P2RY14: variants seen among roughly 807,000 people sequenced by gnomAD.
P2RY14 encodes the protein P2Y purinoceptor 14.
Under a neutral mutation model 0.9 loss-of-function variants are expected in P2RY14, and 2 were observed. The ratio of observed to expected loss-of-function variants is 2.16; its 90% CI spans 0.88 to 6.79. The LOEUF (loss-of-function observed/expected upper bound fraction) is 6.79. Ranked by LOEUF, P2RY14 falls within the 30% of genes most tolerant of loss-of-function variation. P2RY14 has a pLI of 0.05. For synonymous variants in P2RY14, 158 were observed against 147.2 expected (o/e 1.07, Z -0.53); for missense variants, 378 against 400.1 (o/e 0.94, Z 0.47).
intron 1 of P2RY14, among the ~76,000 whole-genome samples, chr3:151,230,368 A>G (rs572883631): frequency 4.6e-5 from 7 of 152,382 alleles, no homozygotes; most frequent in Middle Eastern, 3.4e-3. Context: ...AGTCAAGTAC[A>G]GTGTAAGAAA....
At chr3:151,240,595 C>G (rs984322713) in intron 1 of P2RY14, among the ~76,000 whole-genome samples, 2 of 152,102 alleles carry the variant, frequency 1.3e-5, no homozygotes, top group African/African-American at 4.8e-5. Context: ...ATGGCAGATT[C>G]AAATCTAGTT....
chr3:151,270,195 T>TGGTGTG, intron 1 of P2RY14: 1 of 54,090 alleles, frequency 1.8e-5, no homozygotes, highest in Non-Finnish European at 3.5e-5. Flanking sequence ...GAGCAAGCTG[T>TGGTGTG]CGTGTGTGTG....
intron 1 of P2RY14, among the ~76,000 whole-genome samples, chr3:151,276,849 A>C (rs1458779038): frequency 6.6e-6 from 1 of 152,000 alleles, no homozygotes; most frequent in African/African-American, 2.4e-5. Flanking sequence ...CTGTGTCTTC[A>C]TGCTTTGAGT....
At chr3:151,233,564 T>A (rs1285826014) in intron 1 of P2RY14, among the ~76,000 whole-genome samples, 1 of 152,096 alleles carries the variant, frequency 6.6e-6, no homozygotes, top group African/African-American at 2.4e-5. Context: ...AGAAACCCTG[T>A]CTCTACTAAA....
chr3:151,236,681 T>G (rs1357428222), intron 1 of P2RY14, among the ~76,000 whole-genome samples: 1 of 152,368 alleles, frequency 6.6e-6, no homozygotes, highest in East Asian at 1.9e-4. Flanking sequence ...TAAAAGTGTG[T>G]GTGAATGAAG....
intron 1 of P2RY14, among the ~76,000 whole-genome samples, chr3:151,262,648 G>A (rs1243919665): frequency 6.6e-6 from 1 of 152,212 alleles, no homozygotes; most frequent in Non-Finnish European, 1.5e-5. Context: ...ATACAGAAAA[G>A]TAGAAAGCAG....
At chr3:151,259,132 G>A (rs146024839) in intron 1 of P2RY14, among the ~76,000 whole-genome samples, 296 of 152,230 alleles carry the variant, frequency 1.9e-3, no homozygotes, top group Middle Eastern at 0.014. Flanking sequence ...GGACTGAAAG[G>A]TTCACCTAAG....
intron 1 of P2RY14, among the ~76,000 whole-genome samples, chr3:151,245,188 G>T (rs1170850712): frequency 6.6e-6 from 1 of 152,188 alleles, no homozygotes; most frequent in African/African-American, 2.4e-5. Context: ...TCTACCAGAG[G>T]TATAAGGAGG....
chr3:151,219,424 T>A (rs959474166), intron 2 of P2RY14, 111 bp downstream of exon 2: 1 of 152,216 alleles, frequency 6.6e-6, no homozygotes, highest in African/African-American at 2.4e-5. Context: ...ACCTTCCACC[T>A]TCCTAATTGT....
intron 1 of P2RY14, among the ~76,000 whole-genome samples, chr3:151,246,842 A>G (rs1735640038): frequency 6.6e-6 from 1 of 152,216 alleles, no homozygotes; most frequent in South Asian, 2.1e-4. Context: ...CAGCCTACAA[A>G]ATGGGAGAAA....
At position 151,273,796 on chromosome 3, in the gene P2RY14, A is replaced by G. The variant is rs1001929752; in HGVS notation, c.-133+4491T>C. Among the ~76,000 whole-genome samples the G allele has an allele frequency of 1.5e-4, 23 of 152,172 alleles. 1 individual carries two copies. Reference sequence around the variant, plus strand: ...TCTTCTTTAGAACAAGGCATATACCATTTCTTAATTGGGGTAGGAGTGGAT... The same window carrying G: ...TCTTCTTTAGAACAAGGCATATACCGTTTCTTAATTGGGGTAGGAGTGGAT... On this transcript the variant is annotated intron_variant, in intron 1 of 2. Coordinates refer to ENST00000309170, the MANE Select transcript of P2RY14 (RefSeq NM_014879.4).
chr3:151,239,765 G>C (rs1184291818), intron 1 of P2RY14, among the ~76,000 whole-genome samples: 4 of 152,098 alleles, frequency 2.6e-5, no homozygotes, highest in African/African-American at 9.7e-5. Context: ...AAGAGATTTT[G>C]TTATGGTTGT....
chr3:151,249,182 T>C (rs930918805), intron 1 of P2RY14: 11 of 152,084 alleles, frequency 7.2e-5, no homozygotes, highest in African/African-American at 2.7e-4. Context: ...AAATAGTAAA[T>C]AGTATGAAAC....
chr3:151,240,381 C>T lies in P2RY14; in HGVS notation c.-132-20739G>A, dbSNP rs1486981655. On this transcript the variant is annotated intron_variant, in intron 1 of 2. Transcript: ENST00000309170. The stretch of plus-strand genomic sequence containing the variant: ...TCCAGTGGGATTTTACACTTTTATC[C>T]TAATAAGTTATTAGCAGGGATGGGA... Among the ~76,000 whole-genome samples, 3 of 152,282 alleles carry T rather than the reference C, an allele frequency of 2.0e-5. No homozygotes were observed. The East Asian group carries it at 5.8e-4, about 29-fold the overall frequency.
chr3:151,251,559 T>G (rs1487804953), intron 1 of P2RY14, among the ~76,000 whole-genome samples: 2 of 152,190 alleles, frequency 1.3e-5, no homozygotes, highest in Non-Finnish European at 2.9e-5. Context: ...TGTGGGTCTC[T>G]AATACTTAAA....
chr3:151,237,195 C>T (rs757793807), intron 1 of P2RY14, among the ~76,000 whole-genome samples: 26 of 150,338 alleles, frequency 1.7e-4, no homozygotes, highest in Non-Finnish European at 8.9e-5. Flanking sequence ...CATGCCACCA[C>T]GCCCAGCTAA....
At chr3:151,231,205 G>C (rs977350334) in intron 1 of P2RY14, among the ~76,000 whole-genome samples, 1 of 152,230 alleles carries the variant, frequency 6.6e-6, no homozygotes, top group African/African-American at 2.4e-5. Flanking sequence ...ATGCTGGCTA[G>C]TAAAGGTAGA....
At chr3:151,268,997 C>G (rs1226780975) in intron 1 of P2RY14, among the ~76,000 whole-genome samples, 1 of 152,176 alleles carries the variant, frequency 6.6e-6, no homozygotes, top group Admixed American at 6.5e-5. Context: ...AGCGGTGTGA[C>G]CCCCAAAACC....
At chr3:151,263,563 G>A (rs1434149352) in intron 1 of P2RY14, among the ~76,000 whole-genome samples, 3 of 152,052 alleles carry the variant, frequency 2.0e-5, no homozygotes, top group African/African-American at 4.8e-5. Flanking sequence ...GTGTTTTATC[G>A]TTAATTTAAT....
Sources: allele counts gnomAD v4.1 joint callset (sites outside exome capture counted in the v4.1 genomes callset), GRCh38; gene constraint gnomAD v4.1.1; transcripts MANE v1.5; gene names NCBI Gene and HGNC (gene_info 2026-07-23, HGNC 2026-07-21).